Variants in POLRMT observed in about 807,000 individuals in gnomAD.
POLRMT encodes RNA polymerase mitochondrial, also known as DNA-directed RNA polymerase, mitochondrial.
A neutral mutation model predicts 132.2 loss-of-function variants in POLRMT; 114 were observed. The ratio of observed to expected loss-of-function variants is 0.86; its 90% confidence interval spans 0.74 to 1.01. POLRMT has a LOEUF of 1.01. Ranked by LOEUF, POLRMT falls within the 50% of genes least tolerant of loss-of-function variation. The pLI, the probability that POLRMT is intolerant of heterozygous loss-of-function variation, is 0.00. For synonymous variants in POLRMT, 1,020 were observed against 773.4 expected (o/e 1.32, Z -5.29); for missense variants, 2,003 against 1,729.1 (o/e 1.16, Z -2.81).
At chr19:626,254 C>T (rs1416425391) in intron 3 of POLRMT, among the ~76,000 whole-genome samples, 2 of 151,842 alleles carry the variant, frequency 1.3e-5, no homozygotes, top group South Asian at 2.1e-4. Flanking sequence ...CGGGTTCAAC[C>T]GATTCTCCTG....
rs539787448 is a variant in POLRMT at position 622,572 on chromosome 19, C to T, written c.1626+10G>A. ...GCCCCAGCCAGGAGGAGAGGGGGTGCGAGCCTCACCTCGGCGTCGGAGGCC... is the reference window on the plus strand; with the variant it reads ...GCCCCAGCCAGGAGGAGAGGGGGTGTGAGCCTCACCTCGGCGTCGGAGGCC... On this transcript the variant is annotated intron_variant, in intron 8 of 20. Transcript: ENST00000588649. 5.7e-6 allele frequency: 9 copies of T among 1,590,612 alleles called. No homozygotes were observed. In the African/African-American group the frequency reaches 6.7e-5, roughly 12 times the overall value.
rs183246923 is a variant in POLRMT, at chr19:617,748, G to A, written c.3495+29C>T. ...CCCAGTGTGGGGGCCCCACCCATGG[G>A]TGGACTGAGGCTCAGACTACGGGGG... On this transcript the variant is annotated intron_variant, in intron 18 of 20. Transcript: ENST00000588649. The A allele has an allele frequency of 1.4e-4, 231 of 1,612,714 alleles. No individual in the cohort carries two copies. In the African/African-American group the frequency reaches 2.8e-3, roughly 20 times the overall value.
At chr19:619,347 G>T (rs367958434) in intron 13 of POLRMT, 51 bp from the exon 14 acceptor site, 219 of 1,564,878 alleles carry the variant, frequency 1.4e-4, no homozygotes, top group Non-Finnish European at 1.8e-4. Flanking sequence ...GCCCGTTCAC[G>T]CCCTACTCCC....
Position 632,882 on chromosome 19 carries a change from G to C in POLRMT, c.145C>G (p.Gln49Glu). ...CAGTCCTTCCTGCGGTCTTGGTCTT[G>C]CTCCTGGGGGCTGGCGGACGAGCTC... ...RRSSSASPQE[Q>E]DQDRRKDWGH... Residue 49 changes from glutamine to glutamate, a missense_variant, in exon 2 of 21, where the codon CAA (glutamine) becomes GAA (glutamate). Physicochemically the swap from Gln to Glu is conservative, Grantham distance 29. Coordinates refer to ENST00000588649, the MANE Select transcript of POLRMT (RefSeq NM_005035.4). 1 of 1,548,220 alleles carries C rather than the reference G, an allele frequency of 6.5e-7. No homozygotes were observed. The highest frequency in any genetic ancestry group is 8.7e-7 in the Non-Finnish European group (1 of 1,151,048).
At chr19:620,741 G>A (rs1220332273) in intron 10 of POLRMT, among the ~76,000 whole-genome samples, 1 of 140,240 alleles carries the variant, frequency 7.1e-6, no homozygotes, top group African/African-American at 2.7e-5. Flanking sequence ...GTGGACAGAG[G>A]ACCTGGGGGC....
chr19:627,343 C>T (rs537764561), intron 3 of POLRMT, among the ~76,000 whole-genome samples: 7 of 151,432 alleles, frequency 4.6e-5, no homozygotes, highest in South Asian at 2.1e-4. Context: ...TTAGTAGAGA[C>T]GGGGTTTCAC....
At chr19:623,309 T>C in intron 6 of POLRMT, 145 bp downstream of exon 6, 1 of 1,383,096 alleles carries the variant, frequency 7.2e-7, no homozygotes, top group African/African-American at 1.4e-5. Flanking sequence ...TTCAACCGCA[T>C]ACACGGAGCT....
intron 8 of POLRMT, 37 bp downstream of exon 8, chr19:622,545 T>C (rs887426522): frequency 1.9e-6 from 3 of 1,559,578 alleles, no homozygotes; most frequent in African/African-American, 2.7e-5. Context: ...CACCCACCAC[T>C]GGCCCCAGCC....
Position 625,263 on chromosome 19 carries a change from C to A in POLRMT, c.823-9G>T. On this transcript the variant is annotated splice_polypyrimidine_tract_variant and intron_variant, in intron 3 of 20. Transcript: ENST00000588649. The stretch of plus-strand genomic sequence containing the variant: ...AGCTCCTTGAAGGCACCCTGGGAGA[C>A]CAAGCCAGGGTGAGGGTCTGGGGGG... 3.7e-6 allele frequency: 6 copies of A among 1,613,590 alleles called. No homozygotes were observed. Among genetic ancestry groups the A allele is most frequent in the Non-Finnish European group, 5.1e-6 (6 of 1,179,786 alleles).
intron 2 of POLRMT, among the ~76,000 whole-genome samples, chr19:632,126 G>T (rs550722780): frequency 3.8e-4 from 54 of 143,784 alleles, no homozygotes; most frequent in Middle Eastern, 6.7e-3. Flanking sequence ...AGTGCTGGGA[G>T]TACAGGCGTG....
At chr19:629,063 T>A (rs1985221903) in intron 3 of POLRMT, among the ~76,000 whole-genome samples, 1 of 152,112 alleles carries the variant, frequency 6.6e-6, no homozygotes, top group African/African-American at 2.4e-5. Flanking sequence ...ATACTCCAGA[T>A]GAACCACAAC....
intron 12 of POLRMT, 45 bp downstream of exon 12, chr19:619,913 T>C (rs2074548): frequency 0.18 from 279,600 of 1,596,862 alleles, 25,598 homozygotes; most frequent in Middle Eastern, 0.24. Context: ...AGGGCTCACA[T>C]TGCCCCCACG....
rs532213337 is a variant in POLRMT at position 621,046 on chromosome 19, C to G, written c.2640+12G>C. On this transcript the variant is annotated intron_variant, in intron 10 of 20. Transcript: ENST00000588649. ...GCCGGGAGGGCGGGGAATGCGGGGG[C>G]CCCGCCCCTACCGTCAAGGGTTGGT... The G allele has an allele frequency of 4.4e-6, 7 of 1,575,272 alleles. No individual in the cohort carries two copies. The African/African-American group carries it at 9.3e-5, about 21-fold the overall frequency.
In POLRMT at chr19:620,106, A is replaced by G. The variant is rs567310038; in HGVS notation, c.2764-26T>C. On this transcript the variant is annotated intron_variant, in intron 11 of 20. Coordinates refer to ENST00000588649, the MANE Select transcript of POLRMT (RefSeq NM_005035.4). ...CTGAGGAAGGGGCGGCAAACGGGAGATGGAAGCTAGAGAGGCAGAGACGTG... is the reference window on the plus strand; with the variant it reads ...CTGAGGAAGGGGCGGCAAACGGGAGGTGGAAGCTAGAGAGGCAGAGACGTG... 40 of 1,535,076 alleles carry G rather than the reference A, an allele frequency of 2.6e-5. No individual in the cohort carries two copies. The South Asian group carries it at 4.5e-4, about 17-fold the overall frequency.
rs760420576 is a variant in POLRMT at position 622,117 on chromosome 19, G to A, written c.1851+32C>T. On this transcript the variant is annotated intron_variant, in intron 9 of 20. Transcript: ENST00000588649. ...GGGTCCCTGGTCCTCCCAGCGGGAT[G>A]CCCCCCAGCTCAGGAGGGCACTGCC... The A allele has an allele frequency of 1.8e-5, 27 of 1,507,226 alleles. No homozygotes were observed. In the African/African-American group the frequency reaches 2.2e-4, roughly 12 times the overall value. 93.4% of individuals were successfully genotyped at this position (1,507,226 alleles called of 1,614,324 possible). A position where few individuals can be genotyped will look rare whatever the true frequency, so the allele number is the denominator to read the frequency against.
In POLRMT at chr19:632,814, G is replaced by A. The variant is rs755594616; in HGVS notation, c.193+20C>T. 2.8e-5 allele frequency: 43 copies of A among 1,527,962 alleles called. No individual in the cohort carries two copies. The highest frequency in any genetic ancestry group is 8.4e-5 in the African/African-American group (6 of 71,464). The allele number at this position is 1,527,962 out of a possible 1,614,324, so 94.7% of individuals were successfully genotyped here. ...GGAGCGGACTCTCCTCTCCCGGGCCGCCGTGGGGGTCGCGCTCACCCTCCA... is the reference window on the plus strand; with the variant it reads ...GGAGCGGACTCTCCTCTCCCGGGCCACCGTGGGGGTCGCGCTCACCCTCCA... On this transcript the variant is annotated intron_variant, in intron 2 of 20. Transcript: ENST00000588649.
Position 617,759 on chromosome 19 carries a change from C to T in POLRMT, c.3495+18G>A, listed in dbSNP as rs528834580. On this transcript the variant is annotated intron_variant, in intron 18 of 20. Transcript: ENST00000588649. Reference sequence around the variant, plus strand: ...GGCCCCACCCATGGGTGGACTGAGGCTCAGACTACGGGGGCACCTGGTTCA... The same window carrying T: ...GGCCCCACCCATGGGTGGACTGAGGTTCAGACTACGGGGGCACCTGGTTCA... The T allele has an allele frequency of 8.1e-6, 13 of 1,613,018 alleles. No homozygotes were observed. The East Asian group carries it at 1.3e-4, about 17-fold the overall frequency.
chr19:627,137 A>C lies in POLRMT; in HGVS notation c.823-1883T>G, dbSNP rs185633827. ...CCACACACCAGAGACCAGAGACATG[A>C]GTTTTGGGGCATTTTTTTTTTTTTT... On this transcript the variant is annotated intron_variant, in intron 3 of 20. Transcript: ENST00000588649. 2.1e-3 allele frequency among the ~76,000 whole-genome samples: 304 copies of C among 142,098 alleles called. 8 individuals carry two copies. The highest frequency in any genetic ancestry group is 1.2e-3 in the East Asian group (6 of 4,904). 93.2% of individuals were successfully genotyped at this position (142,098 alleles called of 152,430 possible).
Position 619,692 on chromosome 19 carries a change from C to G in POLRMT, c.2960G>C (p.Arg987Pro). ...VAQVLEGFIT[R>P]KVVKQTVMTV... ...CATCACCGTCTGCTTCACCACCTTG[C>G]GGGTGATGAAACCTTCCAGCACCTG... is the stretch of plus-strand genomic sequence containing the variant. The change falls in exon 13 of 21, where the codon CGC (arginine) becomes CCC (proline). Residue 987 changes from arginine to proline, a missense_variant. By Grantham distance (103) the Arg-to-Pro change is moderately radical (BLOSUM62 -2). Transcript: ENST00000588649. 1 of 1,609,196 alleles carries G rather than the reference C, an allele frequency of 6.2e-7. No individual in the cohort carries two copies. Among genetic ancestry groups the G allele is most frequent in the Non-Finnish European group, 8.5e-7 (1 of 1,178,682 alleles).
Sources: allele counts gnomAD v4.1 joint callset (sites outside exome capture counted in the v4.1 genomes callset), GRCh38; gene constraint gnomAD v4.1.1; transcripts MANE v1.5; gene names NCBI Gene and HGNC (gene_info 2026-07-23, HGNC 2026-07-21).